Variants in RALGAPA2 observed in about 807,000 individuals in gnomAD.
RALGAPA2 encodes the protein ral GTPase-activating protein subunit alpha-2.
A neutral mutation model predicts 230.4 loss-of-function variants in RALGAPA2; 139 were observed. That is an observed-to-expected ratio of 0.60 (90% CI 0.53 to 0.69). The LOEUF is 0.69. Among genes scored for constraint, RALGAPA2 ranks in the 30% least tolerant of loss-of-function variants. The pLI, the probability that RALGAPA2 is intolerant of heterozygous loss-of-function variation, is 0.00. For missense variants in RALGAPA2, 2,163 were observed against 2,276.0 expected, an observed-to-expected ratio of 0.95 and a Z score of 1.01; for synonymous variants, 847 against 837.8, an observed-to-expected ratio of 1.01 and a Z score of -0.19.
chr20:20,670,221 A>G (rs1362214451), intron 3 of RALGAPA2, among the ~76,000 whole-genome samples: 1 of 152,250 alleles, frequency 6.6e-6, no homozygotes, highest in Non-Finnish European at 1.5e-5. Flanking sequence ...CTGATGAATA[A>G]ATGAATTGTA....
At chr20:20,595,375 A>C (rs2065420868) in intron 16 of RALGAPA2, among the ~76,000 whole-genome samples, 1 of 152,220 alleles carries the variant, frequency 6.6e-6, no homozygotes, top group East Asian at 1.9e-4. Context: ...TAAAAAGCAT[A>C]GGAAATGCAT....
At chr20:20,538,633 C>G (rs562340757) in intron 24 of RALGAPA2, among the ~76,000 whole-genome samples, 4 of 152,192 alleles carry the variant, frequency 2.6e-5, no homozygotes, top group Non-Finnish European at 5.9e-5. Flanking sequence ...TTCTTCCTTC[C>G]CTTTCCCCCA....
intron 24 of RALGAPA2, among the ~76,000 whole-genome samples, chr20:20,544,953 G>A (rs983407144): frequency 6.6e-6 from 1 of 152,096 alleles, no homozygotes; most frequent in South Asian, 2.1e-4. Flanking sequence ...AAACCACCAT[G>A]GCACATGTAT....
chr20:20,639,908 G>C lies in RALGAPA2; in HGVS notation c.551-8C>G, dbSNP rs772483467. ...CTTCTGGATATATCTTTACTGAAAG[G>C]ACAGAAAATGATGACAGCTCATTCA... On this transcript the variant is annotated splice_region_variant and splice_polypyrimidine_tract_variant and intron_variant, in intron 6 of 39. Coordinates refer to ENST00000202677, the MANE Select transcript of RALGAPA2 (RefSeq NM_020343.4). 2 of 1,574,172 alleles carry C rather than the reference G, an allele frequency of 1.3e-6. No individual in the cohort carries two copies. The highest frequency in any genetic ancestry group is 1.7e-6 in the Non-Finnish European group (2 of 1,145,294).
chr20:20,402,559 T>C (rs756269129), intron 38 of RALGAPA2, among the ~76,000 whole-genome samples: 1 of 152,192 alleles, frequency 6.6e-6, no homozygotes, highest in Non-Finnish European at 1.5e-5. Flanking sequence ...ACAGGGGCTA[T>C]GTTCTGTGGT....
At chr20:20,397,644 A>C (rs1452207167) in intron 38 of RALGAPA2, among the ~76,000 whole-genome samples, 4 of 152,126 alleles carry the variant, frequency 2.6e-5, no homozygotes, top group Non-Finnish European at 4.4e-5. Context: ...GTAAACGTGG[A>C]TTTTCTGCTG....
At chr20:20,435,215 A>C (rs571845939) in intron 37 of RALGAPA2, among the ~76,000 whole-genome samples, 3 of 152,354 alleles carry the variant, frequency 2.0e-5, no homozygotes, top group African/African-American at 7.2e-5. Context: ...CTGGCTCTAA[A>C]CTCAGCCCTG....
chr20:20,571,840 C>A lies in RALGAPA2; in HGVS notation c.3000+8G>T, dbSNP rs1040862549. 21 of 1,594,722 alleles carry A rather than the reference C, an allele frequency of 1.3e-5. No homozygotes were observed. Among genetic ancestry groups the A allele is most frequent in the Non-Finnish European group, 1.6e-5 (19 of 1,164,916 alleles). On this transcript the variant is annotated splice_region_variant and intron_variant, in intron 22 of 39. Coordinates refer to ENST00000202677, the MANE Select transcript of RALGAPA2 (RefSeq NM_020343.4). ...TCGCAATAAAGGAATAAACACATAT[C>A]CACTTGCCTTAAACAGCCATGATGC...
At chr20:20,463,909 GCTTT>G (rs2061358186) in intron 37 of RALGAPA2, among the ~76,000 whole-genome samples, 1 of 152,146 alleles carries the variant, frequency 6.6e-6, no homozygotes, top group Non-Finnish European at 1.5e-5. Flanking sequence ...TTTTCTAACA[GCTTT>G]CTAATAGCAA....
intron 18 of RALGAPA2, among the ~76,000 whole-genome samples, chr20:20,587,517 A>T (rs2065168209): frequency 6.6e-6 from 1 of 152,154 alleles, no homozygotes; most frequent in South Asian, 2.1e-4. Flanking sequence ...AACAGGAATC[A>T]ATTCCAAATA....
chr20:20,628,220 G>T (rs2066551308), intron 10 of RALGAPA2, among the ~76,000 whole-genome samples: 1 of 152,140 alleles, frequency 6.6e-6, no homozygotes, highest in Non-Finnish European at 1.5e-5. Context: ...AGTCCCAGAA[G>T]TGAGAGGGCC....
chr20:20,574,421 T>C (rs902023151), intron 20 of RALGAPA2, among the ~76,000 whole-genome samples: 2 of 152,250 alleles, frequency 1.3e-5, no homozygotes, highest in African/African-American at 4.8e-5. Flanking sequence ...AAGAATTTAA[T>C]GATTTACATG....
intron 9 of RALGAPA2, among the ~76,000 whole-genome samples, chr20:20,631,612 CCCTAGA>C (rs2066675041): frequency 6.6e-6 from 1 of 152,156 alleles, no homozygotes; most frequent in Non-Finnish European, 1.5e-5. Flanking sequence ...CAGGATTCTC[CCCTAGA>C]ACCTTGAGAA....
chr20:20,540,278 C>A (rs1024305450), intron 24 of RALGAPA2, among the ~76,000 whole-genome samples: 1 of 152,194 alleles, frequency 6.6e-6, no homozygotes, highest in Non-Finnish European at 1.5e-5. Context: ...ATGACTAGCA[C>A]ACCCAGTACC....
rs1286928730 is a variant in RALGAPA2 at position 20,390,379 on chromosome 20, T to A, written c.*2910A>T. On this transcript the variant is annotated 3_prime_UTR_variant, in exon 40 of 40. Transcript: ENST00000202677. ...CTTCTGTCTGCTGAAGGCTTATTTT[T>A]AAAAAGTCATAATTTTTTAAAGTAC... The A allele has an allele frequency of 1.3e-5, 2 of 152,198 alleles. No homozygotes were observed. Among genetic ancestry groups the A allele is most frequent in the Non-Finnish European group, 2.9e-5 (2 of 68,040 alleles). 9.4% of individuals were successfully genotyped at this position (152,198 alleles called of 1,614,324 possible). A position where few individuals can be genotyped will look rare whatever the true frequency, so the allele number is the denominator to read the frequency against.
chr20:20,552,872 T>C (rs1227148216), intron 23 of RALGAPA2, among the ~76,000 whole-genome samples: 1 of 152,116 alleles, frequency 6.6e-6, no homozygotes, highest in Non-Finnish European at 1.5e-5. Context: ...CACAAGGACA[T>C]ACTTTACATA....
intron 37 of RALGAPA2, among the ~76,000 whole-genome samples, chr20:20,429,455 G>A (rs1005607337): frequency 1.3e-5 from 2 of 152,170 alleles, no homozygotes; most frequent in Non-Finnish European, 2.9e-5. Flanking sequence ...AATAAATGGT[G>A]ACTTTCTAGC....
At chr20:20,632,516 A>G (rs560676262) in intron 9 of RALGAPA2, among the ~76,000 whole-genome samples, 6 of 152,344 alleles carry the variant, frequency 3.9e-5, no homozygotes, top group Admixed American at 1.3e-4. Context: ...CTTATTTTCA[A>G]TAAATACAGG....
intron 20 of RALGAPA2, among the ~76,000 whole-genome samples, chr20:20,578,380 C>A (rs1266238579): frequency 1.3e-5 from 2 of 152,096 alleles, no homozygotes; most frequent in Non-Finnish European, 2.9e-5. Context: ...TTTTCATTAG[C>A]AGCCTAGTAT....
Sources: gnomAD v4.1 joint callset for allele counts (sites outside exome capture counted in the v4.1 genomes callset) on GRCh38, gnomAD v4.1.1 for gene constraint, MANE v1.5 for transcripts, NCBI Gene and HGNC (gene_info 2026-07-23, HGNC 2026-07-21) for gene names.